Variants in KHDRBS2 observed in about 807,000 individuals in gnomAD.
KHDRBS2 encodes KH RNA binding domain containing, signal transduction associated 2.
Under a neutral mutation model 44.3 loss-of-function variants are expected in KHDRBS2, and 26 were observed. The observed-to-expected ratio is 0.59, with a 90% CI of 0.43 to 0.81. The LOEUF (loss-of-function observed/expected upper bound fraction) is 0.81. Among genes scored for constraint, KHDRBS2 ranks in the 40% least tolerant of loss-of-function variants. The pLI, the probability that KHDRBS2 is intolerant of heterozygous loss-of-function variation, is 0.00. For missense variants in KHDRBS2, 476 were observed against 433.1 expected (o/e 1.10, Z -0.88); for synonymous variants, 194 against 151.1 (o/e 1.28, Z -2.08).
intron 2 of KHDRBS2, among the ~76,000 whole-genome samples, chr6:62,103,650 C>A (rs574766002): frequency 6.6e-6 from 1 of 150,448 alleles, no homozygotes; most frequent in Non-Finnish European, 1.5e-5. Flanking sequence ...AACAATGGGG[C>A]TCCCTCTGGA....
chr6:61,906,256 AATT>A (rs1804993999), intron 4 of KHDRBS2, among the ~76,000 whole-genome samples: 2 of 152,106 alleles, frequency 1.3e-5, no homozygotes, highest in Non-Finnish European at 2.9e-5. Context: ...TTTTATCTTC[AATT>A]ATTATGGGTA....
intron 6 of KHDRBS2, among the ~76,000 whole-genome samples, chr6:61,859,414 T>C (rs1796599999): frequency 6.6e-6 from 1 of 151,910 alleles, no homozygotes; most frequent in Admixed American, 6.6e-5. Flanking sequence ...TATATATTGT[T>C]TAAGAGATAA....
intron 4 of KHDRBS2, among the ~76,000 whole-genome samples, chr6:61,969,270 A>T (rs531695477): frequency 6.6e-6 from 1 of 152,198 alleles, no homozygotes; most frequent in South Asian, 2.1e-4. Flanking sequence ...TGAGGACATC[A>T]TCTAGGTTCT....
intron 6 of KHDRBS2, among the ~76,000 whole-genome samples, chr6:61,789,389 G>A (rs1271099831): frequency 6.6e-6 from 1 of 151,380 alleles, no homozygotes; most frequent in East Asian, 1.9e-4. Context: ...TCAATATTAT[G>A]TAATAGATTT....
intron 2 of KHDRBS2, among the ~76,000 whole-genome samples, chr6:62,095,051 T>A (rs929281026): frequency 6.6e-6 from 1 of 151,930 alleles, no homozygotes; most frequent in African/African-American, 2.4e-5. Context: ...GGGGTCTTTT[T>A]TGGTCCATAC....
At chr6:62,111,780 G>A (rs1366915260) in intron 2 of KHDRBS2, among the ~76,000 whole-genome samples, 1 of 152,028 alleles carries the variant, frequency 6.6e-6, no homozygotes, top group Non-Finnish European at 1.5e-5. Flanking sequence ...TACATATGAG[G>A]CTGAGGTGAA....
chr6:61,606,944 T>C, the KHDRBS2 span, among the ~76,000 whole-genome samples: 3 of 152,196 alleles, frequency 2.0e-5, no homozygotes, highest in Non-Finnish European at 4.4e-5. Flanking sequence ...TTATCTGATT[T>C]AAATGTGATC....
chr6:61,717,282 C>T (rs1054690273), intron 7 of KHDRBS2, among the ~76,000 whole-genome samples: 2 of 151,872 alleles, frequency 1.3e-5, no homozygotes, highest in African/African-American at 4.8e-5. Context: ...CACATTGTTT[C>T]TTTCCTAAAA....
chr6:61,681,979 A>C (rs1266570289), intron 8 of KHDRBS2, among the ~76,000 whole-genome samples: 1 of 151,914 alleles, frequency 6.6e-6, no homozygotes. Context: ...AGCAGATTTC[A>C]TGCATGGGTG....
chr6:61,559,665 T>G, the KHDRBS2 span, among the ~76,000 whole-genome samples: 1 of 152,204 alleles, frequency 6.6e-6, no homozygotes, highest in Non-Finnish European at 1.5e-5. Context: ...TAACACTGAT[T>G]GCATAAACAA....
the KHDRBS2 span, among the ~76,000 whole-genome samples, chr6:61,662,338 G>A: frequency 6.6e-6 from 1 of 151,864 alleles, no homozygotes; most frequent in Non-Finnish European, 1.5e-5. Context: ...ATAGGCATGG[G>A]CAAGGACTTC....
At chr6:61,832,588 A>T (rs1357012716) in intron 6 of KHDRBS2, among the ~76,000 whole-genome samples, 1 of 139,846 alleles carries the variant, frequency 7.2e-6, no homozygotes, top group East Asian at 2.0e-4. Flanking sequence ...GGGACATGAG[A>T]AAAAAAAAAA....
chr6:61,615,526 C>T, the KHDRBS2 span, among the ~76,000 whole-genome samples: 65 of 152,122 alleles, frequency 4.3e-4, no homozygotes, highest in South Asian at 2.1e-3. Context: ...ATACTCTGCC[C>T]ACTCTCATCC....
At chr6:61,739,809 A>G (rs1218209827) in intron 6 of KHDRBS2, among the ~76,000 whole-genome samples, 1 of 151,950 alleles carries the variant, frequency 6.6e-6, no homozygotes, top group Non-Finnish European at 1.5e-5. Flanking sequence ...ACACCATTAT[A>G]TGTTATTCCC....
chr6:62,060,920 T>A (rs1198469681), intron 2 of KHDRBS2, among the ~76,000 whole-genome samples: 1 of 151,912 alleles, frequency 6.6e-6, no homozygotes, highest in Admixed American at 6.6e-5. Context: ...TAAAATCATA[T>A]TATACTTTAC....
chr6:61,832,469 C>T (rs1181383305), intron 6 of KHDRBS2, among the ~76,000 whole-genome samples: 2 of 152,068 alleles, frequency 1.3e-5, no homozygotes, highest in African/African-American at 4.8e-5. Context: ...AAGCTGCAAC[C>T]TGACATCAGG....
chr6:61,830,278 T>C (rs1791585094), intron 6 of KHDRBS2, among the ~76,000 whole-genome samples: 1 of 152,280 alleles, frequency 6.6e-6, no homozygotes, highest in East Asian at 1.9e-4. Context: ...TTTGTTGTCT[T>C]TTCCTGTTTG....
intron 7 of KHDRBS2, among the ~76,000 whole-genome samples, chr6:61,705,995 A>G (rs1209311367): frequency 1.3e-5 from 2 of 151,892 alleles, no homozygotes; most frequent in South Asian, 4.1e-4. Context: ...TCATCATTGT[A>G]TTCCCAGGGG....
intron 3 of KHDRBS2, among the ~76,000 whole-genome samples, chr6:62,033,233 A>C (rs1784668398): frequency 6.6e-6 from 1 of 152,016 alleles, no homozygotes; most frequent in Non-Finnish European, 1.5e-5. Flanking sequence ...AAATATCTTC[A>C]AAAAGGCAAA....
Sources: gnomAD v4.1 joint callset for allele counts (sites outside exome capture counted in the v4.1 genomes callset) on GRCh38, gnomAD v4.1.1 for gene constraint, MANE v1.5 for transcripts, NCBI Gene and HGNC (gene_info 2026-07-23, HGNC 2026-07-21) for gene names.